Variants in CKMT2 observed in about 807,000 individuals in gnomAD.
CKMT2 encodes creatine kinase, mitochondrial 2, also known as creatine kinase S-type, mitochondrial.
Under a neutral mutation model 48.9 loss-of-function variants are expected in CKMT2, and 43 were observed. The ratio of observed to expected loss-of-function variants is 0.88; its 90% confidence interval spans 0.69 to 1.13. The LOEUF is 1.13. Ranked by LOEUF, CKMT2 falls within the 50% of genes most tolerant of loss-of-function variation. The pLI is 0.00. For missense variants in CKMT2, 472 were observed against 555.4 expected, an observed-to-expected ratio of 0.85 and a Z score of 1.51; for synonymous variants, 206 against 213.0, an observed-to-expected ratio of 0.97 and a Z score of 0.29.
intron 1 of CKMT2, chr5:81,238,340 TAAAA>T (rs946701035): frequency 1.3e-5 from 2 of 150,008 alleles, no homozygotes; most frequent in Non-Finnish European, 3.0e-5. Flanking sequence ...TCAAAAAAAA[TAAAA>T]AAACAAAAAC....
Position 81,265,397 on chromosome 5 carries a change from C to T in CKMT2, c.1141-742C>T, listed in dbSNP as rs1757353700. Among the ~76,000 whole-genome samples the T allele has an allele frequency of 2.0e-5, 3 of 152,296 alleles. No individual in the cohort carries two copies. In the South Asian group the frequency reaches 6.2e-4, roughly 32 times the overall value. On this transcript the variant is annotated intron_variant, in intron 9 of 9. Coordinates refer to ENST00000254035, the MANE Select transcript of CKMT2 (RefSeq NM_001099735.2). Reference sequence around the variant, plus strand: ...CCTGAGAGCTAACATTCAATGGTCCCTTCCATCCTTGCTGCTCATTCTTTA... The same window carrying T: ...CCTGAGAGCTAACATTCAATGGTCCTTTCCATCCTTGCTGCTCATTCTTTA...
At chr5:81,259,279 T>G (rs1335027301) in intron 8 of CKMT2, 25 bp downstream of exon 8, 2 of 1,605,534 alleles carry the variant, frequency 1.2e-6, no homozygotes, top group South Asian at 1.1e-5. Context: ...CCAGTGGCCC[T>G]GATGGGCCAG....
At position 81,254,452 on chromosome 5, in the gene CKMT2, C is replaced by A; in HGVS notation, c.408C>A (p.Pro136=). Residue 136 remains proline, a synonymous_variant, in exon 4 of 10, where the codon CCC becomes CCA. Transcript: ENST00000254035. ...AACTAAGACACAACGGCTATGACCC[C>A]AGGGTGATGAAGCACACAACGGATC... The part of the protein sequence containing the change: ...VIKLRHNGYD[P]RVMKHTTDLD... 6.2e-7 allele frequency: 1 copy of A among 1,614,146 alleles called. No individual in the cohort carries two copies. The highest frequency in any genetic ancestry group is 8.5e-7 in the Non-Finnish European group (1 of 1,180,014).
intron 1 of CKMT2, among the ~76,000 whole-genome samples, chr5:81,234,275 G>A (rs934858937): frequency 6.6e-6 from 1 of 152,134 alleles, no homozygotes; most frequent in African/African-American, 2.4e-5. Context: ...AGTGTTGCCA[G>A]GCTCGTGACC....
At chr5:81,249,686 T>C (rs879498713) in intron 1 of CKMT2, among the ~76,000 whole-genome samples, 6 of 152,338 alleles carry the variant, frequency 3.9e-5, no homozygotes, top group Non-Finnish European at 7.3e-5. Context: ...GTCATTTCCT[T>C]TCTTTCTGAA....
intron 3 of CKMT2, 139 bp downstream of exon 3, chr5:81,253,032 C>A: frequency 2.3e-6 from 2 of 859,636 alleles, no homozygotes; most frequent in Non-Finnish European, 3.8e-6. Context: ...GGGAAGCCAG[C>A]TCCAGCAGAA....
chr5:81,235,573 C>T lies in CKMT2; in HGVS notation c.-21+2196C>T, dbSNP rs1273680866. Among the ~76,000 whole-genome samples, 5 of 152,152 alleles carry T rather than the reference C, an allele frequency of 3.3e-5. No individual in the cohort carries two copies. The East Asian group carries it at 5.8e-4, about 18-fold the overall frequency. ...AGCAGAAAGGCAGACATGGTCCATCCGGGATGCCCAGGAAGAGCAGGGGGC... is the reference window on the plus strand; with the variant it reads ...AGCAGAAAGGCAGACATGGTCCATCTGGGATGCCCAGGAAGAGCAGGGGGC... On this transcript the variant is annotated intron_variant, in intron 1 of 9. Coordinates refer to ENST00000254035, the MANE Select transcript of CKMT2 (RefSeq NM_001099735.2).
At chr5:81,242,016 G>C (rs956795286) in intron 1 of CKMT2, among the ~76,000 whole-genome samples, 18 of 151,900 alleles carry the variant, frequency 1.2e-4, no homozygotes, top group African/African-American at 3.4e-4. Context: ...TACTCTGCTG[G>C]CTTTCGTCTG....
At position 81,252,725 on chromosome 5, in the gene CKMT2, C is replaced by G; in HGVS notation, c.183C>G (p.Asn61Lys). The change falls in exon 3 of 10, where the codon AAC becomes AAG. Residue 61 changes from asparagine (N) to lysine (K), a missense_variant. By Grantham distance (94) the Asn-to-Lys change is moderately conservative. Transcript: ENST00000254035. The part of the protein sequence containing the change: ...SADYPDLRKH[N>K]NCMAECLTPA... ...ACTACCCAGACCTGCGCAAGCACAA[C>G]AACTGCATGGCCGAGTGCCTCACCC... 1 of 1,614,208 alleles carries G rather than the reference C, an allele frequency of 6.2e-7. No homozygotes were observed.
In CKMT2 at chr5:81,235,507, A is replaced by G. The variant is rs371421285; in HGVS notation, c.-21+2130A>G. 1.4e-4 allele frequency among the ~76,000 whole-genome samples: 21 copies of G among 152,304 alleles called. No individual in the cohort carries two copies. The East Asian group carries it at 1.9e-3, about 14-fold the overall frequency. The stretch of plus-strand genomic sequence containing the variant: ...CCCTCTGGCTGAGGAGTTCAGACAC[A>G]TGGACGCTGTGAATGGCTGGACCAG... On this transcript the variant is annotated intron_variant, in intron 1 of 9. Transcript: ENST00000254035.
Position 81,251,183 on chromosome 5 carries a change from G to A in CKMT2, c.51G>A (p.Leu17=), listed in dbSNP as rs773285288. ...TAACTGGCCGCAATGCTTCTCTGCT[G>A]TTTGCTACCATGGGCACCAGTGTCC... The part of the protein sequence containing the change: ...KLLTGRNASL[L]FATMGTSVLT... The change falls in exon 2 of 10, where the codon CTG becomes CTA. Residue 17 remains leucine (L), a synonymous_variant. Coordinates refer to ENST00000254035, the MANE Select transcript of CKMT2 (RefSeq NM_001099735.2). 1.9e-6 allele frequency: 3 copies of A among 1,614,144 alleles called. No individual in the cohort carries two copies. Among genetic ancestry groups the A allele is most frequent in the South Asian group, 1.1e-5 (1 of 91,082 alleles).
intron 8 of CKMT2, 177 bp downstream of exon 8, chr5:81,259,431 G>A (rs1305555221): frequency 2.0e-6 from 1 of 498,322 alleles, no homozygotes; most frequent in African/African-American, 2.0e-5. Context: ...TAGAATAAAA[G>A]GTTCAGGGGC....
chr5:81,261,137 G>A (rs1015872836), intron 8 of CKMT2, among the ~76,000 whole-genome samples: 28 of 152,300 alleles, frequency 1.8e-4, no homozygotes, highest in African/African-American at 6.3e-4. Flanking sequence ...CTCAATAGAT[G>A]CAGAAAAGGC....
Position 81,252,786 on chromosome 5 carries a change from C to T in CKMT2, c.244C>T (p.Pro82Ser). 2 of 1,614,236 alleles carry T rather than the reference C, an allele frequency of 1.2e-6. No homozygotes were observed. The highest frequency in any genetic ancestry group is 1.7e-6 in the Non-Finnish European group (2 of 1,180,040). ...IYAKLRNKVTPNGYTLDQCIQ... is the reference protein window; with the variant it reads ...IYAKLRNKVTSNGYTLDQCIQ... The stretch of plus-strand genomic sequence containing the variant: ...TGCCAAGCTTCGCAACAAGGTGACA[C>T]CCAACGGCTACACGCTGGACCAGTG... The change falls in exon 3 of 10, where the codon CCC becomes TCC. Residue 82 changes from proline (P) to serine (S), a missense_variant. Transcript: ENST00000254035.
chr5:81,252,752 C>T lies in CKMT2; in HGVS notation c.210C>T (p.Pro70=), dbSNP rs778061756. The stretch of plus-strand genomic sequence containing the variant: ...ACTGCATGGCCGAGTGCCTCACCCC[C>T]GCCATTTATGCCAAGCTTCGCAACA... The part of the protein sequence containing the change: ...HNNCMAECLT[P]AIYAKLRNKV... The change falls in exon 3 of 10, where the codon CCC becomes CCT. Residue 70 remains proline (P), a synonymous_variant. Transcript: ENST00000254035. 157 of 1,614,112 alleles carry T rather than the reference C, an allele frequency of 9.7e-5. No homozygotes were observed. Among genetic ancestry groups the T allele is most frequent in the South Asian group, 1.5e-4 (14 of 91,088 alleles).
intron 8 of CKMT2, among the ~76,000 whole-genome samples, chr5:81,261,447 A>G (rs1417488746): frequency 6.6e-6 from 1 of 152,260 alleles, no homozygotes; most frequent in African/African-American, 2.4e-5. Flanking sequence ...TTGTATATTT[A>G]GAAAACCCCA....
At chr5:81,247,780 C>T (rs900186823) in intron 1 of CKMT2, among the ~76,000 whole-genome samples, 11 of 152,094 alleles carry the variant, frequency 7.2e-5, no homozygotes, top group African/African-American at 2.4e-4. Context: ...GTCAAGGAAG[C>T]AGGAATTCTT....
chr5:81,254,790 C>A, intron 4 of CKMT2: 1 of 607,178 alleles, frequency 1.6e-6, no homozygotes, highest in Non-Finnish European at 2.9e-6. Flanking sequence ...CCAGACCACG[C>A]TATATAAAAC....
At chr5:81,246,704 CTT>C (rs780770901) in intron 1 of CKMT2, among the ~76,000 whole-genome samples, 1 of 152,190 alleles carries the variant, frequency 6.6e-6, no homozygotes, top group Non-Finnish European at 1.5e-5. Flanking sequence ...GGCTGTAAGA[CTT>C]TCTGGGATCC....
Sources: gnomAD v4.1 joint callset for allele counts (sites outside exome capture counted in the v4.1 genomes callset) on GRCh38, gnomAD v4.1.1 for gene constraint, MANE v1.5 for transcripts, NCBI Gene and HGNC (gene_info 2026-07-23, HGNC 2026-07-21) for gene names.